ATP9B: variants seen among roughly 807,000 people sequenced by gnomAD.
ATP9B encodes probable phospholipid-transporting ATPase IIB.
A neutral mutation model predicts 146.1 loss-of-function variants in ATP9B; 110 were observed. The observed-to-expected ratio is 0.75, with a 90% CI of 0.65 to 0.88. ATP9B has a LOEUF of 0.88. ATP9B is among the 40% of genes least tolerant of loss of function. ATP9B has a pLI of 0.00. For missense variants in ATP9B, 1,499 were observed against 1,496.4 expected (o/e 1.00, Z -0.03); for synonymous variants, 604 against 569.7 (o/e 1.06, Z -0.86).
intron 12 of ATP9B, among the ~76,000 whole-genome samples, chr18:79,257,843 G>C (rs940097235): frequency 1.3e-5 from 2 of 152,234 alleles, no homozygotes; most frequent in Non-Finnish European, 2.9e-5. Context: ...AATGTCACAT[G>C]ATGTTCCTTT....
intron 25 of ATP9B, among the ~76,000 whole-genome samples, chr18:79,356,163 C>G (rs1265776695): frequency 6.6e-6 from 1 of 152,164 alleles, no homozygotes; most frequent in Non-Finnish European, 1.5e-5. Flanking sequence ...CATCGTCAGC[C>G]ACAGAGACCA....
intron 13 of ATP9B, among the ~76,000 whole-genome samples, chr18:79,294,463 C>G (rs2096533120): frequency 6.6e-6 from 1 of 152,232 alleles, no homozygotes; most frequent in African/African-American, 2.4e-5. Flanking sequence ...ACACAGGGCC[C>G]ACAGGCACAG....
At chr18:79,117,665 G>C (rs987985497) in intron 4 of ATP9B, 1 of 152,214 alleles carries the variant, frequency 6.6e-6, no homozygotes, top group Non-Finnish European at 1.5e-5. Context: ...GGTGAAAAAG[G>C]AAGCCGTATG....
chr18:79,099,034 G>A (rs1213221035), intron 2 of ATP9B, among the ~76,000 whole-genome samples: 1 of 151,880 alleles, frequency 6.6e-6, no homozygotes, highest in East Asian at 1.9e-4. Flanking sequence ...ATTGATTTCT[G>A]GTCTTCCCTT....
chr18:79,356,827 GT>G (rs2096957058), intron 25 of ATP9B, among the ~76,000 whole-genome samples: 1 of 76,544 alleles, frequency 1.3e-5, no homozygotes. Context: ...AGGTGTCTGT[GT>G]GAGGGATGCT....
chr18:79,219,925 C>T (rs2095662281), intron 11 of ATP9B, among the ~76,000 whole-genome samples: 1 of 152,190 alleles, frequency 6.6e-6, no homozygotes, highest in African/African-American at 2.4e-5. Flanking sequence ...AATTTAGGCT[C>T]ATACATTGTT....
rs144211563 is a variant in ATP9B at position 79,207,133 on chromosome 18, C to T, written c.1030+121C>T. 224 of 905,280 alleles carry T rather than the reference C, an allele frequency of 2.5e-4. No individual in the cohort carries two copies. The African/African-American group carries it at 3.1e-3, about 13-fold the overall frequency. 56.1% of individuals were successfully genotyped at this position (905,280 alleles called of 1,614,324 possible). A position where few individuals can be genotyped will look rare whatever the true frequency, so the allele number is the denominator to read the frequency against. On this transcript the variant is annotated intron_variant, in intron 10 of 29. Transcript: ENST00000426216. ...TGAAATATTTAGGGACCTTGCTAAACGCAGACTCCAGCTCAGTGGGTCTGA... is the reference window on the plus strand; with the variant it reads ...TGAAATATTTAGGGACCTTGCTAAATGCAGACTCCAGCTCAGTGGGTCTGA...
chr18:79,116,774 G>A (rs1301990351), intron 4 of ATP9B, among the ~76,000 whole-genome samples: 1 of 80,426 alleles, frequency 1.2e-5, no homozygotes, highest in Non-Finnish European at 2.4e-5. Context: ...GACTGTGGTG[G>A]GGTCGGGGGA....
At chr18:79,121,115 A>G (rs1055805129) in intron 4 of ATP9B, among the ~76,000 whole-genome samples, 1 of 152,238 alleles carries the variant, frequency 6.6e-6, no homozygotes, top group Admixed American at 6.5e-5. Context: ...CATTTAGGAT[A>G]CTTGGAAAAG....
chr18:79,238,239 C>CT lies in ATP9B; in HGVS notation c.1108-15127dup, dbSNP rs57427830. On this transcript the variant is annotated intron_variant, in intron 11 of 29. Transcript: ENST00000426216. ...ATTTACCATGACTGGATAAGTGATC[C>CT]TTTTTTTTTTTTTTTGAATGAGAAC... 6.5e-3 allele frequency among the ~76,000 whole-genome samples: 916 copies of CT among 140,568 alleles called. 3 individuals carry two copies. The highest frequency in any genetic ancestry group is 8.6e-3 in the Non-Finnish European group (551 of 64,058). 92.2% of individuals were successfully genotyped at this position (140,568 alleles called of 152,430 possible).
intron 11 of ATP9B, among the ~76,000 whole-genome samples, chr18:79,223,099 T>C (rs1337512157): frequency 1.3e-5 from 2 of 152,300 alleles, no homozygotes; most frequent in Admixed American, 6.5e-5. Context: ...AGATGTCTCA[T>C]TGGCAGAGAG....
chr18:79,203,174 A>C (rs1045991920), intron 9 of ATP9B, among the ~76,000 whole-genome samples: 1 of 152,006 alleles, frequency 6.6e-6, no homozygotes, highest in African/African-American at 2.4e-5. Context: ...AACAGCAGGC[A>C]GGAGGCCCTG....
Position 79,214,088 on chromosome 18 carries a change from A to G in ATP9B, c.1107+50A>G, listed in dbSNP as rs765327298. ...CTTTAATGAACTTATTTTTCCTTTC[A>G]GTAAGAAAGTCTGCATAGTTCTGAA... On this transcript the variant is annotated intron_variant, in intron 11 of 29. Transcript: ENST00000426216. The G allele has an allele frequency of 6.5e-6, 9 of 1,377,582 alleles. No individual in the cohort carries two copies. The African/African-American group carries it at 1.2e-4, about 18-fold the overall frequency. 85.3% of individuals were successfully genotyped at this position (1,377,582 alleles called of 1,614,324 possible).
intron 7 of ATP9B, among the ~76,000 whole-genome samples, chr18:79,165,433 C>A (rs1333826575): frequency 6.6e-6 from 1 of 152,210 alleles, no homozygotes; most frequent in African/African-American, 2.4e-5. Context: ...TAGCATTCTC[C>A]TAACTTCCTT....
At chr18:79,278,499 A>T (rs1285657640) in intron 13 of ATP9B, among the ~76,000 whole-genome samples, 3 of 152,230 alleles carry the variant, frequency 2.0e-5, no homozygotes, top group Non-Finnish European at 4.4e-5. Context: ...AGGCCATGGT[A>T]TTCGGAAGGT....
At chr18:79,272,864 T>C (rs1425503033) in intron 12 of ATP9B, among the ~76,000 whole-genome samples, 2 of 152,202 alleles carry the variant, frequency 1.3e-5, no homozygotes, top group African/African-American at 4.8e-5. Context: ...AAGTCTGTCA[T>C]TGGTCTAAGA....
At chr18:79,089,911 T>C (rs1273412929) in intron 1 of ATP9B, among the ~76,000 whole-genome samples, 1 of 152,208 alleles carries the variant, frequency 6.6e-6, no homozygotes, top group Non-Finnish European at 1.5e-5. Flanking sequence ...ATCCATTCTT[T>C]GTCCCCCACT....
intron 11 of ATP9B, among the ~76,000 whole-genome samples, chr18:79,222,326 T>C (rs1012067516): frequency 6.6e-6 from 1 of 151,604 alleles, no homozygotes; most frequent in African/African-American, 2.4e-5. Flanking sequence ...ACCACTGCAC[T>C]CCAGCCTGGG....
chr18:79,329,084 C>G (rs1228393350), intron 15 of ATP9B, 57 bp from the exon 16 acceptor site: 2 of 1,438,928 alleles, frequency 1.4e-6, no homozygotes, highest in African/African-American at 2.9e-5. Flanking sequence ...TGCTGGCTCG[C>G]CTGCGTGCGG....
Sources: allele counts gnomAD v4.1 joint callset (sites outside exome capture counted in the v4.1 genomes callset), GRCh38; gene constraint gnomAD v4.1.1; transcripts MANE v1.5; gene names NCBI Gene and HGNC (gene_info 2026-07-23, HGNC 2026-07-21).